Variants in ZNF423 observed in about 807,000 individuals in gnomAD.
ZNF423 encodes the protein Ebf-associated zinc finger protein.
ZNF423 carries 12 observed loss-of-function variants against 95.8 expected under a neutral mutation model. The ratio of observed to expected loss-of-function variants is 0.13; its 90% CI spans 0.08 to 0.20. The LOEUF is 0.20. ZNF423 is among the 10% of genes least tolerant of loss of function. ZNF423 has a pLI of 1.00. For missense variants in ZNF423, 1,316 were observed against 1,737.1 expected (o/e 0.76, Z 4.31); for synonymous variants, 749 against 711.9 (o/e 1.05, Z -0.83).
chr16:49,534,691 C>T (rs2151727205), intron 5 of ZNF423, among the ~76,000 whole-genome samples: 1 of 152,294 alleles, frequency 6.6e-6, no homozygotes, highest in Non-Finnish European at 1.5e-5. Flanking sequence ...CAGCCATGTC[C>T]ATGCCCCTAC....
chr16:49,634,204 CTT>C (rs528621494), intron 4 of ZNF423, among the ~76,000 whole-genome samples: 25,087 of 113,840 alleles, frequency 0.22, 2,507 homozygotes, highest in Admixed American at 0.27. Flanking sequence ...CCACACCTGG[CTT>C]TTTTTTTTTT....
intron 5 of ZNF423, among the ~76,000 whole-genome samples, chr16:49,616,868 A>G (rs138163046): frequency 6.6e-6 from 1 of 152,268 alleles, no homozygotes; most frequent in African/African-American, 2.4e-5. Flanking sequence ...GGACTCTATC[A>G]TCATCATCAT....
At chr16:49,834,807 G>A (rs1346321110) in intron 1 of ZNF423, among the ~76,000 whole-genome samples, 1 of 152,100 alleles carries the variant, frequency 6.6e-6, no homozygotes, top group Admixed American at 6.5e-5. Context: ...GAGAGCGCCA[G>A]GATCAGAGCC....
intron 2 of ZNF423, among the ~76,000 whole-genome samples, chr16:49,739,013 T>G (rs141819740): frequency 1.7e-3 from 255 of 151,990 alleles, no homozygotes; most frequent in African/African-American, 5.4e-3. Context: ...GATGGCTGGA[T>G]GCATGTTCCA....
intron 5 of ZNF423, among the ~76,000 whole-genome samples, chr16:49,571,495 T>G (rs1970353255): frequency 6.6e-6 from 1 of 151,964 alleles, no homozygotes; most frequent in Admixed American, 6.6e-5. Context: ...CACAAAGGCC[T>G]GTGGCTGGAA....
intron 5 of ZNF423, among the ~76,000 whole-genome samples, chr16:49,527,760 C>A (rs58527916): frequency 0.047 from 7,225 of 152,230 alleles, 239 homozygotes; most frequent in African/African-American, 0.093. Flanking sequence ...AGTAACACAG[C>A]CAGATGGGGG....
intron 7 of ZNF423, chr16:49,518,382 C>T (rs993722326): frequency 4.6e-6 from 2 of 435,094 alleles, no homozygotes; most frequent in Non-Finnish European, 9.0e-6. Flanking sequence ...CAACGGGAAC[C>T]ACAGTTTCCA....
chr16:49,677,231 G>T (rs911254857), intron 3 of ZNF423, among the ~76,000 whole-genome samples: 2 of 9,888 alleles, frequency 2.0e-4, no homozygotes, highest in Admixed American at 9.1e-4. Flanking sequence ...AACAAGAAAA[G>T]AGAAGAGAAG....
intron 3 of ZNF423, among the ~76,000 whole-genome samples, chr16:49,677,010 G>A (rs1207785259): frequency 1.3e-5 from 2 of 151,576 alleles, no homozygotes; most frequent in African/African-American, 2.4e-5. Context: ...CTGAGGTCAG[G>A]AGCTCAAGAT....
intron 5 of ZNF423, among the ~76,000 whole-genome samples, chr16:49,608,340 A>C (rs1334760150): frequency 6.6e-6 from 1 of 152,156 alleles, no homozygotes; most frequent in African/African-American, 2.4e-5. Flanking sequence ...GCCTGAGCTC[A>C]AGCCCTCAAA....
intron 5 of ZNF423, among the ~76,000 whole-genome samples, chr16:49,568,056 G>A (rs1970247137): frequency 6.6e-6 from 1 of 152,232 alleles, no homozygotes; most frequent in South Asian, 2.1e-4. Context: ...GCCAATTAGT[G>A]TATTCCATGT....
At chr16:49,598,832 C>CAGTG in intron 5 of ZNF423, among the ~76,000 whole-genome samples, 1 of 152,384 alleles carries the variant, frequency 6.6e-6, no homozygotes, top group Non-Finnish European at 1.5e-5. Flanking sequence ...TTTATAACTA[C>CAGTG]TGCAGCACTG....
At chr16:49,694,931 C>A (rs945823498) in intron 3 of ZNF423, among the ~76,000 whole-genome samples, 1 of 152,236 alleles carries the variant, frequency 6.6e-6, no homozygotes, top group Non-Finnish European at 1.5e-5. Flanking sequence ...CCAAGCCTTA[C>A]AAATACTTGT....
chr16:49,507,443 T>C (rs1040205712), intron 7 of ZNF423, among the ~76,000 whole-genome samples: 1 of 151,890 alleles, frequency 6.6e-6, no homozygotes, highest in Non-Finnish European at 1.5e-5. Context: ...CAATACCACA[T>C]TTTTGATGTG....
chr16:49,705,557 G>A (rs1435428329), intron 3 of ZNF423, among the ~76,000 whole-genome samples: 2 of 152,190 alleles, frequency 1.3e-5, no homozygotes, highest in African/African-American at 2.4e-5. Flanking sequence ...TTTTTTGTGC[G>A]TGATTTTGAG....
At chr16:49,787,952 C>T (rs2034344061) in intron 2 of ZNF423, among the ~76,000 whole-genome samples, 1 of 152,216 alleles carries the variant, frequency 6.6e-6, no homozygotes, top group Non-Finnish European at 1.5e-5. Flanking sequence ...ATGTCTGAGA[C>T]ACGGCGCCTT....
chr16:49,514,251 C>T (rs1435997507), intron 7 of ZNF423, among the ~76,000 whole-genome samples: 1 of 144,440 alleles, frequency 6.9e-6, no homozygotes, highest in East Asian at 2.0e-4. Context: ...CACACGCACA[C>T]ACACACACAC....
chr16:49,586,940 G>C (rs112263196), intron 5 of ZNF423, among the ~76,000 whole-genome samples: 79 of 152,154 alleles, frequency 5.2e-4, no homozygotes, highest in African/African-American at 1.7e-3. Context: ...TTGGAGGAGG[G>C]GCAACCTCAT....
intron 5 of ZNF423, among the ~76,000 whole-genome samples, chr16:49,608,869 C>T (rs935136463): frequency 1.3e-5 from 2 of 152,158 alleles, no homozygotes; most frequent in Non-Finnish European, 2.9e-5. Flanking sequence ...CTGAGACTGC[C>T]GTGCTGGCAA....
Sources: gnomAD v4.1 joint callset for allele counts (sites outside exome capture counted in the v4.1 genomes callset) on GRCh38, gnomAD v4.1.1 for gene constraint, MANE v1.5 for transcripts, NCBI Gene and HGNC (gene_info 2026-07-23, HGNC 2026-07-21) for gene names.